SLC38A8: variants seen among roughly 807,000 people sequenced by gnomAD.
The protein encoded by SLC38A8 is amino acid transporter SLC38A8.
A neutral mutation model predicts 46.0 loss-of-function variants in SLC38A8; 65 were observed. The ratio of observed to expected loss-of-function variants is 1.41; its 90% CI spans 1.16 to 1.74. SLC38A8 has a LOEUF of 1.74. Ranked by LOEUF, SLC38A8 falls within the 40% of genes most tolerant of loss-of-function variation. The pLI, the probability that SLC38A8 is intolerant of heterozygous loss-of-function variation, is 0.00. For synonymous variants in SLC38A8, 447 were observed against 243.7 expected (o/e 1.83, Z -7.77); for missense variants, 998 against 567.9 (o/e 1.76, Z -7.70).
At chr16:84,041,323 G>A (rs758517769) in intron 2 of SLC38A8, 2 of 152,324 alleles carry the variant, frequency 1.3e-5, no homozygotes, top group Non-Finnish European at 2.9e-5. Context: ...GTCGAGCTTT[G>A]TTTTTGTGTG....
chr16:84,018,812 G>A (rs1056648259), intron 7 of SLC38A8, among the ~76,000 whole-genome samples: 2 of 152,164 alleles, frequency 1.3e-5, no homozygotes, highest in South Asian at 2.1e-4. Flanking sequence ...GGAATGACAA[G>A]ACAAAGGGGA....
intron 2 of SLC38A8, chr16:84,041,180 C>G (rs993642108): frequency 6.6e-6 from 1 of 152,298 alleles, no homozygotes; most frequent in African/African-American, 2.4e-5. Context: ...TCCGCGCTTC[C>G]CCAAAAGGGA....
chr16:84,013,006 T>G lies in SLC38A8; in HGVS notation c.1209A>C (p.Arg403Ser), dbSNP rs533344193. 1.9e-5 allele frequency: 30 copies of G among 1,614,018 alleles called. No homozygotes were observed. The highest frequency in any genetic ancestry group is 1.7e-5 in the Admixed American group (1 of 59,998). ...CAMGVEPIGP[R>S]VKCCLEVWGV... ...CTCATCTTAGGGACACTTACTTGAC[T>G]CTTGGTCCTATAGGCTCGACACCCA... The change falls in exon 10 of 11, where the codon AGA becomes AGC. Residue 403 changes from arginine to serine, a missense_variant. Arg to Ser is a moderately radical substitution (Grantham distance 110). Transcript: ENST00000299709.
chr16:84,037,156 G>A (rs541905527), intron 2 of SLC38A8, among the ~76,000 whole-genome samples: 1 of 152,306 alleles, frequency 6.6e-6, no homozygotes, highest in East Asian at 1.9e-4. Flanking sequence ...CTGGGAATCT[G>A]ACACCATCCT....
At chr16:84,020,579 C>T (rs756745893) in intron 7 of SLC38A8, among the ~76,000 whole-genome samples, 2 of 152,180 alleles carry the variant, frequency 1.3e-5, no homozygotes, top group African/African-American at 4.8e-5. Flanking sequence ...GGCTGCAGCA[C>T]GAGCCAGATC....
intron 6 of SLC38A8, among the ~76,000 whole-genome samples, chr16:84,025,908 G>A (rs1299616502): frequency 6.6e-6 from 1 of 152,208 alleles, no homozygotes; most frequent in East Asian, 1.9e-4. Flanking sequence ...GCCAGCAGGG[G>A]GGACGCAACC....
rs750385075 is a variant in SLC38A8, at chr16:84,009,806, G to A, written c.1286C>T (p.Ala429Val). ...CCATCAGAACATCTCCCAGACCGCT[G>A]CCGCCGTGCTCTGCCCAAAGATGAA... ...GTFIFGQSTA[A>V]AVWEMF The change falls in exon 11 of 11, where the codon GCA becomes GTA. Residue 429 changes from alanine (A) to valine (V), a missense_variant. Ala to Val is a moderately conservative substitution (Grantham distance 64). Transcript: ENST00000299709. 15 of 1,613,884 alleles carry A rather than the reference G, an allele frequency of 9.3e-6. No individual in the cohort carries two copies. Among genetic ancestry groups the A allele is most frequent in the South Asian group, 3.3e-5 (3 of 91,076 alleles).
chr16:84,039,243 T>C (rs1389150916), intron 2 of SLC38A8, among the ~76,000 whole-genome samples: 1 of 152,144 alleles, frequency 6.6e-6, no homozygotes, highest in Non-Finnish European at 1.5e-5. Context: ...AGAGAATACA[T>C]TTCCAGTGTT....
intron 2 of SLC38A8, among the ~76,000 whole-genome samples, chr16:84,039,425 C>T (rs2085342329): frequency 6.6e-6 from 1 of 152,120 alleles, no homozygotes; most frequent in Admixed American, 6.6e-5. Flanking sequence ...CTGACAAATG[C>T]AGACACTCAT....
chr16:84,035,479 C>T (rs9931295), intron 3 of SLC38A8, among the ~76,000 whole-genome samples: 27 of 151,988 alleles, frequency 1.8e-4, no homozygotes, highest in Non-Finnish European at 2.8e-4. Context: ...ACATTCCAAT[C>T]GGAAGTCTGA....
intron 6 of SLC38A8, 128 bp downstream of exon 6, chr16:84,029,366 G>A (rs1262358767): frequency 5.5e-6 from 5 of 902,114 alleles, no homozygotes; most frequent in Non-Finnish European, 8.5e-6. Context: ...GCGGCACAGA[G>A]CCCACTGTAT....
intron 2 of SLC38A8, among the ~76,000 whole-genome samples, chr16:84,037,235 G>T (rs1160351378): frequency 6.6e-6 from 1 of 152,238 alleles, no homozygotes; most frequent in African/African-American, 2.4e-5. Context: ...CGCCTGGGCT[G>T]TGGGTGGAGA....
chr16:84,038,173 T>C (rs573947610), intron 2 of SLC38A8, among the ~76,000 whole-genome samples: 11 of 152,180 alleles, frequency 7.2e-5, no homozygotes, highest in African/African-American at 2.6e-4. Flanking sequence ...TAGCCAGGCA[T>C]GGTGGCACAT....
At chr16:84,024,746 G>T (rs528061265) in intron 6 of SLC38A8, among the ~76,000 whole-genome samples, 1 of 152,144 alleles carries the variant, frequency 6.6e-6, no homozygotes, top group African/African-American at 2.4e-5. Flanking sequence ...ATGGACTGAA[G>T]TGGCGCGAAC....
At chr16:84,025,787 C>T (rs573643389) in intron 6 of SLC38A8, among the ~76,000 whole-genome samples, 1 of 152,268 alleles carries the variant, frequency 6.6e-6, no homozygotes, top group Non-Finnish European at 1.5e-5. Context: ...TGGCCTCCTC[C>T]CTCCGGCTTC....
chr16:84,015,202 C>T (rs1225282619), intron 9 of SLC38A8, among the ~76,000 whole-genome samples: 5 of 152,088 alleles, frequency 3.3e-5, no homozygotes, highest in Admixed American at 2.0e-4. Context: ...TGTGTGGGGC[C>T]CTGGAACACA....
At chr16:84,015,316 C>T (rs1329121582) in intron 9 of SLC38A8, among the ~76,000 whole-genome samples, 1 of 152,098 alleles carries the variant, frequency 6.6e-6, no homozygotes, top group Non-Finnish European at 1.5e-5. Context: ...ACCTTGCTGG[C>T]TTCCCCTTCT....
intron 10 of SLC38A8, among the ~76,000 whole-genome samples, chr16:84,012,008 C>G (rs2084960220): frequency 6.6e-6 from 1 of 152,156 alleles, no homozygotes; most frequent in South Asian, 2.1e-4. Context: ...CTGGGGCCAC[C>G]AGAAGCTGAG....
At chr16:84,011,128 C>T (rs1418856488) in intron 10 of SLC38A8, among the ~76,000 whole-genome samples, 4 of 152,214 alleles carry the variant, frequency 2.6e-5, no homozygotes, top group Non-Finnish European at 4.4e-5. Context: ...GGCTGTTCAG[C>T]GCCATAAACA....
Sources: gnomAD v4.1 joint callset for allele counts (sites outside exome capture counted in the v4.1 genomes callset) on GRCh38, gnomAD v4.1.1 for gene constraint, MANE v1.5 for transcripts, NCBI Gene and HGNC (gene_info 2026-07-23, HGNC 2026-07-21) for gene names.